PEX11G: variants seen among roughly 807,000 people sequenced by gnomAD.
PEX11G encodes the protein peroxisomal biogenesis factor 11 gamma, also known as peroxisomal membrane protein 11C.
Under a neutral mutation model 22.5 loss-of-function variants are expected in PEX11G, and 20 were observed. That is an observed-to-expected ratio of 0.89 (90% CI 0.62 to 1.29). The LOEUF is 1.29. Among genes scored for constraint, PEX11G ranks in the 50% most tolerant of loss-of-function variants. The probability of loss-of-function intolerance (pLI) is 0.00; values close to 1 mark genes in which losing one functional copy is unlikely to be tolerated. For synonymous variants in PEX11G, 141 were observed against 154.5 expected (o/e 0.91, Z 0.65); for missense variants, 347 against 331.3 (o/e 1.05, Z -0.37).
At chr19:7,489,651 T>G (rs188954216), upstream of PEX11G, 160 of 241,992 alleles carry the variant, frequency 6.6e-4, no homozygotes, top group African/African-American at 3.6e-3. Context: ...GACCAGCATA[T>G]GCCCCTCTGA....
chr19:7,489,084 GC>G, upstream of PEX11G: 1 of 1,388,348 alleles, frequency 7.2e-7, no homozygotes, highest in Non-Finnish European at 9.3e-7. Flanking sequence ...TACCGGGAGC[GC>G]CCCAAAGGCT....
chr19:7,489,078 G>C (rs1028766958), upstream of PEX11G: 3 of 1,423,788 alleles, frequency 2.1e-6, no homozygotes, highest in Admixed American at 3.0e-5. Flanking sequence ...CCGGGGTACC[G>C]GGAGCGCCCC....
At chr19:7,488,921 A>C (rs1452056972) in intron 1 of PEX11G, 30 bp downstream of exon 1, 1 of 1,545,916 alleles carries the variant, frequency 6.5e-7, no homozygotes, top group Non-Finnish European at 8.7e-7. Context: ...AAACTCTAGG[A>C]CCTCCGGCCC....
At chr19:7,486,051 T>C (rs1568382951) in intron 1 of PEX11G, 25 bp from the exon 2 acceptor site, 5 of 1,565,636 alleles carry the variant, frequency 3.2e-6, no homozygotes, top group African/African-American at 1.3e-5. Context: ...AAGCAGTCAG[T>C]GTGGCCCTCC....
intron 2 of PEX11G, among the ~76,000 whole-genome samples, chr19:7,484,067 G>T (rs1977633356): frequency 1.3e-5 from 2 of 152,184 alleles, no homozygotes; most frequent in African/African-American, 4.8e-5. Flanking sequence ...GATAAGAAAT[G>T]ATCTGTGGCC....
chr19:7,491,824 T>A (rs1026721381), upstream of PEX11G, among the ~76,000 whole-genome samples: 1 of 151,956 alleles, frequency 6.6e-6, no homozygotes, highest in Admixed American at 6.6e-5. Context: ...GGCCAATTTT[T>A]AAAATTTTTC....
chr19:7,489,869 T>A (rs2021838661), upstream of PEX11G, among the ~76,000 whole-genome samples: 1 of 151,940 alleles, frequency 6.6e-6, no homozygotes, highest in Non-Finnish European at 1.5e-5. Flanking sequence ...TTTTTTTCTT[T>A]TTTTTTGAGA....
chr19:7,490,222 A>G (rs906784870), upstream of PEX11G, among the ~76,000 whole-genome samples: 1 of 152,068 alleles, frequency 6.6e-6, no homozygotes, highest in African/African-American at 2.4e-5. Flanking sequence ...TGAAGGTGCT[A>G]TATAAGCAGG....
chr19:7,478,020 TCAAAAAA>T (rs1977308117), intron 4 of PEX11G, among the ~76,000 whole-genome samples: 1 of 152,132 alleles, frequency 6.6e-6, no homozygotes, highest in South Asian at 2.1e-4. Context: ...AGACCCTGTC[TCAAAAAA>T]CAAAAAGAAA....
chr19:7,484,847 A>T (rs529521196), intron 2 of PEX11G, among the ~76,000 whole-genome samples: 3 of 151,948 alleles, frequency 2.0e-5, no homozygotes, highest in Non-Finnish European at 4.4e-5. Flanking sequence ...ATCAGGAAGG[A>T]GGGAGGTTTT....
At chr19:7,479,554 C>T (rs141284760) in intron 3 of PEX11G, among the ~76,000 whole-genome samples, 14 of 152,336 alleles carry the variant, frequency 9.2e-5, no homozygotes, top group South Asian at 2.1e-4. Flanking sequence ...GCTGATGCTC[C>T]GGCAGCCCTG....
chr19:7,492,978 A>G (rs964194075), upstream of PEX11G: 1 of 151,648 alleles, frequency 6.6e-6, no homozygotes, highest in Non-Finnish European at 1.5e-5. Context: ...ACCCGATCAC[A>G]CCCTCCTGGA....
intron 3 of PEX11G, among the ~76,000 whole-genome samples, chr19:7,479,104 A>G (rs1006320450): frequency 6.6e-6 from 1 of 152,214 alleles, no homozygotes; most frequent in Admixed American, 6.5e-5. Flanking sequence ...TGCAGGATGC[A>G]GGATAGCGCC....
At position 7,485,646 on chromosome 19, in the gene PEX11G, C is replaced by T. The variant is rs192486594; in HGVS notation, c.249+192G>A. ...CTGGGATTACAGGCATGAGCCACTG[C>T]ACCCAGCCGAGACAGGGTTTTACCA... On this transcript the variant is annotated intron_variant, in intron 2 of 4. Transcript: ENST00000221480. 1.3e-4 allele frequency among the ~76,000 whole-genome samples: 20 copies of T among 152,100 alleles called. No homozygotes were observed. The East Asian group carries it at 2.1e-3, about 16-fold the overall frequency.
chr19:7,489,322 A>G (rs186586039), upstream of PEX11G: 22 of 1,150,480 alleles, frequency 1.9e-5, no homozygotes, highest in African/African-American at 2.6e-4. Flanking sequence ...ACACGCTCCA[A>G]AAATATTCCA....
chr19:7,486,590 T>C (rs189677534), intron 1 of PEX11G, among the ~76,000 whole-genome samples: 5 of 152,054 alleles, frequency 3.3e-5, no homozygotes. Flanking sequence ...AGCAAGACCC[T>C]GTGTCTACCA....
In PEX11G at chr19:7,482,143, A is replaced by T. The variant is rs1977521981; in HGVS notation, c.318T>A (p.Cys106Ter). The change falls in exon 3 of 5, where the codon TGT becomes TGA. Residue 106 changes from cysteine (C) to a stop codon, truncating the protein, a stop_gained. Transcript: ENST00000221480. LOFTEE classifies it high-confidence loss of function. ...CATCAGCCGCCCAGGCCACGTGCTCACAGGGGTAGTAGAGCTGGTCAGCCA... is the reference window on the plus strand; with the variant it reads ...CATCAGCCGCCCAGGCCACGTGCTCTCAGGGGTAGTAGAGCTGGTCAGCCA... Reference protein sequence around the residue: ...GNLADQLYYPCEHVAWAADAR... With the variant: ...GNLADQLYYP The T allele has an allele frequency of 1.3e-6, 2 of 1,594,764 alleles. No homozygotes were observed. The highest frequency in any genetic ancestry group is 3.5e-5 in the Admixed American group (2 of 57,340).
At position 7,477,321 on chromosome 19, in the gene PEX11G, C is replaced by A; in HGVS notation, c.607G>T (p.Val203Leu). The change falls in exon 5 of 5, where the codon GTG becomes TTG. Residue 203 changes from valine to leucine, a missense_variant. Physicochemically the swap from Val to Leu is conservative, Grantham distance 32 (BLOSUM62 1). Coordinates refer to ENST00000221480, the MANE Select transcript of PEX11G (RefSeq NM_080662.4). ...ANAVHWLPRG[V>L]LWAGRFPPWL... ...GGCGGGAAGCGGCCGGCCCACAGCACGCCCCGGGGCAGCCAGTGCACGGCG... is the reference window on the plus strand; with the variant it reads ...GGCGGGAAGCGGCCGGCCCACAGCAAGCCCCGGGGCAGCCAGTGCACGGCG... 6.4e-7 allele frequency: 1 copy of A among 1,559,172 alleles called. No individual in the cohort carries two copies. Among genetic ancestry groups the A allele is most frequent in the South Asian group, 1.2e-5 (1 of 84,630 alleles).
intron 2 of PEX11G, among the ~76,000 whole-genome samples, chr19:7,484,717 G>A (rs2021556265): frequency 1.3e-5 from 2 of 151,038 alleles, no homozygotes; most frequent in Admixed American, 6.6e-5. Flanking sequence ...AGGTTGCAGT[G>A]AGCCGAGATC....
Sources: allele counts gnomAD v4.1 joint callset (sites outside exome capture counted in the v4.1 genomes callset), GRCh38; gene constraint gnomAD v4.1.1; transcripts MANE v1.5; gene names NCBI Gene and HGNC (gene_info 2026-07-23, HGNC 2026-07-21).